B4GALNT3: variants seen among roughly 807,000 people sequenced by gnomAD.
B4GALNT3 encodes the protein beta-1,4-N-acetylgalactosaminyltransferase 3.
Under a neutral mutation model 120.2 loss-of-function variants are expected in B4GALNT3, and 86 were observed. That is an observed-to-expected ratio of 0.72 (90% CI 0.60 to 0.86). The LOEUF is 0.86. Among genes scored for constraint, B4GALNT3 ranks in the 40% least tolerant of loss-of-function variants. The probability of loss-of-function intolerance (pLI) is 0.00; values close to 1 mark genes in which losing one functional copy is unlikely to be tolerated. For missense variants in B4GALNT3, 1,167 were observed against 1,298.9 expected (o/e 0.90, Z 1.56); for synonymous variants, 518 against 510.4 (o/e 1.01, Z -0.20).
rs140989465 is a variant in B4GALNT3, at chr12:517,820, G to T, written c.170-17346G>T. On this transcript the variant is annotated intron_variant, in intron 1 of 19. Coordinates refer to ENST00000266383, the MANE Select transcript of B4GALNT3 (RefSeq NM_173593.4). ...ACTCCAGTCCAGCCATGCATTAGCG[G>T]CCGTGGCAGGACCATCAGCCATGAC... Among the ~76,000 whole-genome samples, 37 of 152,306 alleles carry T rather than the reference G, an allele frequency of 2.4e-4. No individual in the cohort carries two copies. In the East Asian group the frequency reaches 7.0e-3, roughly 29 times the overall value.
chr12:556,811 CT>C lies in B4GALNT3; in HGVS notation c.2326del (p.Trp776GlyfsTer19), dbSNP rs1341519814. The C allele has an allele frequency of 6.2e-7, 1 of 1,613,568 alleles. No homozygotes were observed. Among genetic ancestry groups the C allele is most frequent in the Non-Finnish European group, 8.5e-7 (1 of 1,179,946 alleles). ...CCCGGGCCCAAGAGCCCAAGCTGTG[CT>C]GGCCTCAGGGTTTCTCCTGGAGTCA... ...NTRAQEPKLC[W>X]PQGFSWSHRA... is the part of the protein sequence containing the mutation. On this transcript the variant is annotated frameshift_variant, in exon 15 of 20. Transcript: ENST00000266383. LOFTEE classifies it high-confidence loss of function.
chr12:531,516 G>A (rs985721954), intron 1 of B4GALNT3, among the ~76,000 whole-genome samples: 2 of 152,066 alleles, frequency 1.3e-5, no homozygotes, highest in South Asian at 4.2e-4. Flanking sequence ...CAACTATGGT[G>A]GCATGCACCT....
In B4GALNT3 at chr12:553,790, G is replaced by A. The variant is rs531502676; in HGVS notation, c.1867G>A (p.Glu623Lys). The A allele has an allele frequency of 8.1e-6, 13 of 1,614,240 alleles. No homozygotes were observed. The highest frequency in any genetic ancestry group is 2.2e-5 in the East Asian group (1 of 44,880). The change falls in exon 14 of 20, where the codon GAG (glutamate) becomes AAG (lysine). Residue 623 changes from glutamate (E) to lysine (K), a missense_variant. By Grantham distance (56) the Glu-to-Lys change is moderately conservative. Transcript: ENST00000266383. ...EEEEDMSEVFEYVPVFDPVVN... is the reference protein window; with the variant it reads ...EEEEDMSEVFKYVPVFDPVVN... ...GGAAGAGGATATGAGTGAGGTGTTC[G>A]AGTACGTACCTGTGTTTGACCCGGT...
chr12:462,507 A>C (rs1941108537), intron 1 of B4GALNT3, among the ~76,000 whole-genome samples: 1 of 151,330 alleles, frequency 6.6e-6, no homozygotes, highest in Non-Finnish European at 1.5e-5. Context: ...CCCCTCCCAG[A>C]AGAATCTTAA....
intron 1 of B4GALNT3, among the ~76,000 whole-genome samples, chr12:499,832 C>T (rs911718000): frequency 6.6e-6 from 1 of 152,250 alleles, no homozygotes; most frequent in African/African-American, 2.4e-5. Context: ...CCCATTTGCC[C>T]TACTTTTCAA....
At chr12:540,291 C>G (rs1009856101) in intron 3 of B4GALNT3, among the ~76,000 whole-genome samples, 15 of 152,174 alleles carry the variant, frequency 9.9e-5, no homozygotes, top group Non-Finnish European at 1.6e-4. Flanking sequence ...ACCAACCTCT[C>G]TTTCATCTTT....
At chr12:469,063 A>C (rs1379568868) in intron 1 of B4GALNT3, among the ~76,000 whole-genome samples, 2 of 152,228 alleles carry the variant, frequency 1.3e-5, no homozygotes, top group African/African-American at 4.8e-5. Flanking sequence ...GAAGTGATTC[A>C]TTCTAAACTT....
chr12:499,174 C>T (rs1946416807), intron 1 of B4GALNT3, among the ~76,000 whole-genome samples: 1 of 152,196 alleles, frequency 6.6e-6, no homozygotes, highest in Non-Finnish European at 1.5e-5. Context: ...CAGGTGGAAT[C>T]ATGGAAATTG....
chr12:467,935 G>A (rs562754685), intron 1 of B4GALNT3, among the ~76,000 whole-genome samples: 7 of 152,292 alleles, frequency 4.6e-5, no homozygotes, highest in South Asian at 4.1e-4. Flanking sequence ...TTCTCTCGTC[G>A]TGTTGGTTAC....
At chr12:483,290 G>C (rs769136147) in intron 1 of B4GALNT3, among the ~76,000 whole-genome samples, 2 of 152,160 alleles carry the variant, frequency 1.3e-5, no homozygotes, top group South Asian at 2.1e-4. Flanking sequence ...AATATAGAAA[G>C]AAAAGTGAGA....
chr12:476,241 A>C (rs1357707185), intron 1 of B4GALNT3, among the ~76,000 whole-genome samples: 1 of 152,210 alleles, frequency 6.6e-6, no homozygotes, highest in African/African-American at 2.4e-5. Flanking sequence ...TAAGTGAAAT[A>C]ATACAGATAA....
chr12:467,984 A>T (rs994684373), intron 1 of B4GALNT3, among the ~76,000 whole-genome samples: 3 of 152,142 alleles, frequency 2.0e-5, no homozygotes, highest in East Asian at 1.9e-4. Context: ...TCACCTGGAG[A>T]AAAGTGTAAA....
At chr12:557,351 C>T (rs896405801) in intron 15 of B4GALNT3, among the ~76,000 whole-genome samples, 1 of 152,172 alleles carries the variant, frequency 6.6e-6, no homozygotes, top group African/African-American at 2.4e-5. Flanking sequence ...GAGCCCCAGC[C>T]AAGGCCTTCT....
chr12:544,992 C>G lies in B4GALNT3; in HGVS notation c.538+20C>G. 1.2e-6 allele frequency: 2 copies of G among 1,611,174 alleles called. No homozygotes were observed. Among genetic ancestry groups the G allele is most frequent in the Non-Finnish European group, 1.7e-6 (2 of 1,177,754 alleles). On this transcript the variant is annotated intron_variant, in intron 5 of 19. Coordinates refer to ENST00000266383, the MANE Select transcript of B4GALNT3 (RefSeq NM_173593.4). ...CTGATGGTGAGGCCAGCCCCAAAAC[C>G]CCATCCTTCTTCCTGCTCTAGAGTT...
intron 1 of B4GALNT3, among the ~76,000 whole-genome samples, chr12:512,392 T>G: frequency 9.0e-6 from 1 of 110,532 alleles, no homozygotes; most frequent in Non-Finnish European, 1.7e-5. Context: ...TTCCACCTTC[T>G]TCCACCTTTG....
chr12:477,843 G>T (rs1946198541), intron 1 of B4GALNT3, among the ~76,000 whole-genome samples: 1 of 152,158 alleles, frequency 6.6e-6, no homozygotes, highest in African/African-American at 2.4e-5. Flanking sequence ...TCCTAGTTCT[G>T]TTTAGCAAAT....
chr12:483,729 G>T (rs770162993), intron 1 of B4GALNT3, among the ~76,000 whole-genome samples: 1 of 152,204 alleles, frequency 6.6e-6, no homozygotes. Flanking sequence ...TTATGTGCAC[G>T]TGGCACATGT....
intron 6 of B4GALNT3, 74 bp downstream of exon 6, chr12:545,543 A>G (rs1946982863): frequency 7.2e-7 from 1 of 1,395,966 alleles, no homozygotes; most frequent in Non-Finnish European, 9.8e-7. Context: ...GCAGCTGCTC[A>G]TTACTGTTAG....
chr12:520,889 ATGGGAACTCACTTTTCCC>A (rs987756216), intron 1 of B4GALNT3, among the ~76,000 whole-genome samples: 7 of 152,216 alleles, frequency 4.6e-5, no homozygotes, highest in South Asian at 2.1e-4. Context: ...GTCTGCCTGC[ATGGGAACTCACTTTTCCC>A]TGGGAACTCA....
Sources: gnomAD v4.1 joint callset for allele counts (sites outside exome capture counted in the v4.1 genomes callset) on GRCh38, gnomAD v4.1.1 for gene constraint, MANE v1.5 for transcripts, NCBI Gene and HGNC (gene_info 2026-07-23, HGNC 2026-07-21) for gene names.